CTDSPL2: variants seen among roughly 807,000 people sequenced by gnomAD.
The protein encoded by CTDSPL2 is CTD small phosphatase-like protein 2.
A neutral mutation model predicts 60.0 loss-of-function variants in CTDSPL2; 5 were observed. The observed-to-expected ratio is 0.08, with a 90% CI of 0.04 to 0.18. The LOEUF is 0.18. Ranked by LOEUF, CTDSPL2 falls within the 10% of genes least tolerant of loss-of-function variation. The probability of loss-of-function intolerance (pLI) is 1.00; values close to 1 mark genes in which losing one functional copy is unlikely to be tolerated. For missense variants in CTDSPL2, 370 were observed against 548.8 expected (o/e 0.67, Z 3.26); for synonymous variants, 186 against 189.3 (o/e 0.98, Z 0.14).
At chr15:44,505,398 G>C (rs2081443061) in intron 8 of CTDSPL2, among the ~76,000 whole-genome samples, 1 of 151,778 alleles carries the variant, frequency 6.6e-6, no homozygotes. Flanking sequence ...ACTCCACCCT[G>C]GGTGACAGAG....
At chr15:44,484,194 A>C in intron 2 of CTDSPL2, 30 bp from the exon 3 acceptor site, 1 of 1,570,450 alleles carries the variant, frequency 6.4e-7, no homozygotes, top group Non-Finnish European at 8.6e-7. Flanking sequence ...GATTGTGCTT[A>C]GTGTGTTTTT....
chr15:44,477,096 C>CT, intron 2 of CTDSPL2, among the ~76,000 whole-genome samples: 1 of 152,338 alleles, frequency 6.6e-6, no homozygotes, highest in African/African-American at 2.4e-5. Context: ...AAGCGTGGTG[C>CT]TGCACACCTG....
intron 1 of CTDSPL2, among the ~76,000 whole-genome samples, chr15:44,436,685 C>T (rs1309412937): frequency 6.6e-6 from 1 of 152,158 alleles, no homozygotes; most frequent in East Asian, 1.9e-4. Flanking sequence ...TACTCTAGAA[C>T]CTTGCATGCA....
intron 8 of CTDSPL2, among the ~76,000 whole-genome samples, chr15:44,502,326 C>G (rs1009516608): frequency 6.6e-6 from 1 of 151,778 alleles, no homozygotes; most frequent in Admixed American, 6.6e-5. Context: ...CCTCTTGGGA[C>G]TTATTTTACG....
At chr15:44,464,845 A>G (rs1037571476) in intron 2 of CTDSPL2, among the ~76,000 whole-genome samples, 5 of 152,104 alleles carry the variant, frequency 3.3e-5, no homozygotes, top group African/African-American at 1.2e-4. Context: ...AGCTGGAATT[A>G]CAGGTGTGTG....
chr15:44,443,978 C>A (rs1342409344), intron 1 of CTDSPL2, among the ~76,000 whole-genome samples: 1 of 152,010 alleles, frequency 6.6e-6, no homozygotes, highest in African/African-American at 2.4e-5. Context: ...TTGTAGCTCG[C>A]TGCACTCTTG....
chr15:44,478,513 G>C (rs1301292283), intron 2 of CTDSPL2, among the ~76,000 whole-genome samples: 1 of 139,674 alleles, frequency 7.2e-6, no homozygotes. Context: ...CTGAGCTTTT[G>C]CATGTTGATA....
In CTDSPL2 at chr15:44,510,698, T is replaced by A. The variant is rs76711397; in HGVS notation, c.970-3900T>A. 4.1e-3 allele frequency among the ~76,000 whole-genome samples: 617 copies of A among 152,258 alleles called. 3 individuals carry two copies. The highest frequency in any genetic ancestry group is 0.014 in the African/African-American group (599 of 41,560). ...AGTAGGCAGCTCAGGAAAGGAATCTTTGTATGAGAGTAAAATTAGAAGAAA... is the reference window on the plus strand; with the variant it reads ...AGTAGGCAGCTCAGGAAAGGAATCTATGTATGAGAGTAAAATTAGAAGAAA... On this transcript the variant is annotated intron_variant, in intron 8 of 12. Transcript: ENST00000260327.
chr15:44,431,711 TG>T (rs1257121815), intron 1 of CTDSPL2, among the ~76,000 whole-genome samples: 24 of 147,088 alleles, frequency 1.6e-4, no homozygotes, highest in African/African-American at 5.3e-4. Flanking sequence ...TTTGTTTGTT[TG>T]TTTGTTTTTT....
intron 12 of CTDSPL2, among the ~76,000 whole-genome samples, chr15:44,522,563 GCCAACATGGTGAAACCCCATCT>G (rs1265174030): frequency 6.6e-6 from 1 of 152,028 alleles, no homozygotes; most frequent in Non-Finnish European, 1.5e-5. Context: ...GACCAGCCTG[GCCAACATGGTGAAACCCCATCT>G]CTACTAAAAA....
At chr15:44,486,269 A>G (rs1028092114) in intron 3 of CTDSPL2, among the ~76,000 whole-genome samples, 7 of 152,220 alleles carry the variant, frequency 4.6e-5, no homozygotes, top group Non-Finnish European at 8.8e-5. Context: ...ATTTTGTGTT[A>G]TACTGTGTTG....
intron 2 of CTDSPL2, among the ~76,000 whole-genome samples, chr15:44,474,554 T>G (rs2080876561): frequency 1.3e-5 from 2 of 152,006 alleles, no homozygotes; most frequent in Non-Finnish European, 2.9e-5. Flanking sequence ...TTGCTAAACG[T>G]GGCTATAAAG....
intron 8 of CTDSPL2, among the ~76,000 whole-genome samples, chr15:44,504,516 G>T (rs1567097697): frequency 6.6e-6 from 1 of 151,966 alleles, no homozygotes. Context: ...TCAAGTTCTG[G>T]CTTAAATTGA....
chr15:44,453,026 A>G (rs77999813), intron 1 of CTDSPL2, among the ~76,000 whole-genome samples: 7,576 of 152,130 alleles, frequency 0.05, 351 homozygotes, highest in East Asian at 0.24. Flanking sequence ...TTTAATTTTT[A>G]TGAAGTCAGT....
At chr15:44,477,004 G>A (rs953397248) in intron 2 of CTDSPL2, among the ~76,000 whole-genome samples, 7 of 152,176 alleles carry the variant, frequency 4.6e-5, no homozygotes, top group East Asian at 1.9e-4. Context: ...TGAAAGGATC[G>A]CTTGAGCCCA....
chr15:44,490,643 A>T (rs1191126143), intron 4 of CTDSPL2, 141 bp from the exon 5 acceptor site: 1 of 645,410 alleles, frequency 1.5e-6, no homozygotes, highest in Non-Finnish European at 2.7e-6. Flanking sequence ...GCTAGCAAAG[A>T]TTCTCTAAAA....
At position 44,524,153 on chromosome 15, in the gene CTDSPL2, T is replaced by C. The variant is rs1777723455; in HGVS notation, c.1380T>C (p.His460=). Residue 460 remains histidine (H), a synonymous_variant, in exon 13 of 13, where the codon CAT becomes CAC. Coordinates refer to ENST00000260327, the MANE Select transcript of CTDSPL2 (RefSeq NM_016396.3). ...RPHIRDRFRL[H]DLLPPD is the part of the protein sequence containing the mutation. The stretch of plus-strand genomic sequence containing the variant: ...ACATCAGAGACAGATTTCGCTTGCA[T>C]GATTTGCTGCCCCCAGATTAAGTAC... 1 of 1,613,788 alleles carries C rather than the reference T, an allele frequency of 6.2e-7. No homozygotes were observed. The highest frequency in any genetic ancestry group is 8.5e-7 in the Non-Finnish European group (1 of 1,179,844).
At chr15:44,486,902 T>C (rs1241747882) in intron 4 of CTDSPL2, among the ~76,000 whole-genome samples, 2 of 152,028 alleles carry the variant, frequency 1.3e-5, no homozygotes, top group African/African-American at 2.4e-5. Context: ...TAGGTGGGAC[T>C]GTAGGTACCT....
intron 1 of CTDSPL2, among the ~76,000 whole-genome samples, chr15:44,431,894 T>G (rs1338002956): frequency 6.6e-6 from 1 of 151,638 alleles, no homozygotes; most frequent in Non-Finnish European, 1.5e-5. Context: ...ACTTTGTATT[T>G]TTTTTCTTTA....
Sources: allele counts gnomAD v4.1 joint callset (sites outside exome capture counted in the v4.1 genomes callset), GRCh38; gene constraint gnomAD v4.1.1; transcripts MANE v1.5; gene names NCBI Gene and HGNC (gene_info 2026-07-23, HGNC 2026-07-21).